Variants in SUPT3H observed in about 807,000 individuals in gnomAD.
SUPT3H encodes the protein SPT3 homolog, SAGA and STAGA complex component.
SUPT3H carries 44 observed loss-of-function variants against 44.3 expected under a neutral mutation model. The ratio of observed to expected loss-of-function variants is 0.99; its 90% CI spans 0.78 to 1.28. The LOEUF (loss-of-function observed/expected upper bound fraction) is 1.28. SUPT3H is among the 50% of genes most tolerant of loss of function. SUPT3H has a pLI of 0.00. For synonymous variants in SUPT3H, 124 were observed against 125.6 expected, an observed-to-expected ratio of 0.99 and a Z score of 0.09; for missense variants, 380 against 387.1, an observed-to-expected ratio of 0.98 and a Z score of 0.15.
intron 2 of SUPT3H, among the ~76,000 whole-genome samples, chr6:45,272,386 C>G (rs929298154): frequency 6.6e-6 from 1 of 152,038 alleles, no homozygotes; most frequent in Non-Finnish European, 1.5e-5. Context: ...GTAAGTGTCA[C>G]GAGATCTGAT....
intron 10 of SUPT3H, among the ~76,000 whole-genome samples, chr6:44,888,478 A>T (rs911189505): frequency 1.8e-4 from 27 of 152,248 alleles, no homozygotes; most frequent in Admixed American, 1.4e-3. Flanking sequence ...AATCAATAAA[A>T]GTAATCCAGC....
chr6:45,196,322 T>A (rs1383711176), intron 2 of SUPT3H, among the ~76,000 whole-genome samples: 5 of 152,056 alleles, frequency 3.3e-5, no homozygotes, highest in Non-Finnish European at 7.4e-5. Context: ...GTGTACTCAG[T>A]CTACTGCAAA....
At chr6:45,365,439 C>G (rs531002115) in intron 1 of SUPT3H, 138 bp from the exon 2 acceptor site, 3 of 588,134 alleles carry the variant, frequency 5.1e-6, no homozygotes, top group Non-Finnish European at 8.7e-6. Flanking sequence ...AAAACTGATT[C>G]ACTTATACTT....
intron 2 of SUPT3H, among the ~76,000 whole-genome samples, chr6:45,315,922 C>CAGATAGATAGAT (rs59633405): frequency 0.018 from 2,644 of 145,564 alleles, 35 homozygotes; most frequent in African/African-American, 0.029. Flanking sequence ...CTCAGATAGA[C>CAGATAGATAGAT]AGATAGATAG....
intron 2 of SUPT3H, among the ~76,000 whole-genome samples, chr6:45,272,538 C>A (rs986239572): frequency 6.6e-5 from 10 of 152,118 alleles, no homozygotes; most frequent in African/African-American, 2.4e-4. Flanking sequence ...TCGGATATAT[C>A]TTTATCAACA....
At chr6:45,347,543 G>T (rs1791134728) in intron 2 of SUPT3H, among the ~76,000 whole-genome samples, 1 of 151,864 alleles carries the variant, frequency 6.6e-6, no homozygotes, top group Admixed American at 6.6e-5. Context: ...TTTTAAACTG[G>T]TTAATAAACA....
intron 3 of SUPT3H, among the ~76,000 whole-genome samples, chr6:45,101,908 T>C (rs1252451419): frequency 1.3e-5 from 2 of 152,128 alleles, no homozygotes; most frequent in African/African-American, 4.8e-5. Flanking sequence ...TTACCAAGTA[T>C]AGACAAAAAG....
chr6:45,240,666 C>T (rs956415929), intron 2 of SUPT3H, among the ~76,000 whole-genome samples: 1 of 152,200 alleles, frequency 6.6e-6, no homozygotes, highest in Non-Finnish European at 1.5e-5. Context: ...ATTTGAATTA[C>T]ACCTCTCAGT....
chr6:45,163,105 G>A (rs913647782), intron 2 of SUPT3H, among the ~76,000 whole-genome samples: 1 of 152,050 alleles, frequency 6.6e-6, no homozygotes, highest in African/African-American at 2.4e-5. Flanking sequence ...AAACATTAGT[G>A]AGCAATATGG....
intron 2 of SUPT3H, among the ~76,000 whole-genome samples, chr6:45,267,760 C>CTT: frequency 6.6e-6 from 1 of 152,034 alleles, no homozygotes. Context: ...CTAGGCCTTA[C>CTT]AAGGACTTAA....
At chr6:45,222,930 AAGATC>A (rs1766303389) in intron 2 of SUPT3H, among the ~76,000 whole-genome samples, 1 of 152,164 alleles carries the variant, frequency 6.6e-6, no homozygotes, top group African/African-American at 2.4e-5. Flanking sequence ...TTGAGTAAAA[AAGATC>A]AATACCAAAT....
At chr6:45,034,048 G>A (rs1787334262) in intron 3 of SUPT3H, among the ~76,000 whole-genome samples, 1 of 152,124 alleles carries the variant, frequency 6.6e-6, no homozygotes, top group Admixed American at 6.6e-5. Flanking sequence ...TAGTTAAACT[G>A]TGTAACTGAA....
At chr6:44,857,859 G>C (rs566422573) in intron 10 of SUPT3H, among the ~76,000 whole-genome samples, 1 of 152,288 alleles carries the variant, frequency 6.6e-6, no homozygotes, top group African/African-American at 2.4e-5. Flanking sequence ...GAAACCTGTT[G>C]ATATATGGGG....
At chr6:45,216,446 GTAAATAAT>G (rs1765076028) in intron 2 of SUPT3H, among the ~76,000 whole-genome samples, 1 of 152,150 alleles carries the variant, frequency 6.6e-6, no homozygotes, top group African/African-American at 2.4e-5. Flanking sequence ...GCCCTTACTT[GTAAATAAT>G]AACTTTAAAT....
intron 2 of SUPT3H, among the ~76,000 whole-genome samples, chr6:45,269,676 A>C (rs946579271): frequency 6.6e-6 from 1 of 152,216 alleles, no homozygotes; most frequent in Admixed American, 6.5e-5. Flanking sequence ...TATTGCACTT[A>C]CCACGTTATC....
At chr6:45,206,310 A>C (rs998319444) in intron 2 of SUPT3H, among the ~76,000 whole-genome samples, 3 of 152,140 alleles carry the variant, frequency 2.0e-5, no homozygotes, top group African/African-American at 7.2e-5. Flanking sequence ...CTGCTATTTC[A>C]AATATGGCGA....
chr6:44,953,989 C>T (rs997248136), intron 8 of SUPT3H, among the ~76,000 whole-genome samples: 16 of 152,100 alleles, frequency 1.1e-4, no homozygotes, highest in Non-Finnish European at 1.9e-4. Context: ...CCACCCACCT[C>T]GGCCTCCCAA....
At chr6:44,977,162 T>C (rs1437648182) in intron 6 of SUPT3H, among the ~76,000 whole-genome samples, 2 of 152,208 alleles carry the variant, frequency 1.3e-5, no homozygotes, top group Non-Finnish European at 2.9e-5. Flanking sequence ...AGAATTGTTT[T>C]TGCAACTTGG....
chr6:45,157,842 G>A (rs190687814), intron 2 of SUPT3H, among the ~76,000 whole-genome samples: 280 of 151,576 alleles, frequency 1.8e-3, no homozygotes, highest in African/African-American at 6.6e-3. Context: ...CACCGCACCC[G>A]GCCAGCATTA....
Sources: allele counts gnomAD v4.1 joint callset (sites outside exome capture counted in the v4.1 genomes callset), GRCh38; gene constraint gnomAD v4.1.1; transcripts MANE v1.5; gene names NCBI Gene and HGNC (gene_info 2026-07-23, HGNC 2026-07-21).